Variants in CD2AP observed in about 807,000 individuals in gnomAD.
CD2AP encodes CD2 associated protein, also known as CD2-associated protein.
CD2AP carries 46 observed loss-of-function variants against 85.1 expected under a neutral mutation model. That is an observed-to-expected ratio of 0.54 (90% CI 0.43 to 0.69). CD2AP has a LOEUF of 0.69. Among genes scored for constraint, CD2AP ranks in the 30% least tolerant of loss-of-function variants. The pLI is 0.00. For synonymous variants in CD2AP, 255 were observed against 252.9 expected (o/e 1.01, Z -0.08); for missense variants, 769 against 729.5 (o/e 1.05, Z -0.62).
At chr6:47,551,387 T>G (rs144311101) in intron 4 of CD2AP, among the ~76,000 whole-genome samples, 165 of 152,294 alleles carry the variant, frequency 1.1e-3, no homozygotes, top group African/African-American at 3.5e-3. Context: ...TTATACAAAC[T>G]TAGATTGTGT....
At chr6:47,513,795 T>C (rs1479249629) in intron 2 of CD2AP, among the ~76,000 whole-genome samples, 1 of 151,838 alleles carries the variant, frequency 6.6e-6, no homozygotes, top group Non-Finnish European at 1.5e-5. Flanking sequence ...GGTGTGCACA[T>C]GTTCAACTAT....
At chr6:47,593,346 C>A (rs1768853342) in intron 11 of CD2AP, among the ~76,000 whole-genome samples, 1 of 152,056 alleles carries the variant, frequency 6.6e-6, no homozygotes, top group African/African-American at 2.4e-5. Flanking sequence ...TTGCAAGTAT[C>A]TGGAATATGT....
intron 1 of CD2AP, among the ~76,000 whole-genome samples, chr6:47,487,832 T>A (rs942937630): frequency 6.6e-6 from 1 of 152,314 alleles, no homozygotes; most frequent in East Asian, 1.9e-4. Flanking sequence ...AACACTTGTA[T>A]TGACTAGCAG....
chr6:47,606,503 A>G (rs1254986540), intron 14 of CD2AP, among the ~76,000 whole-genome samples: 2 of 152,058 alleles, frequency 1.3e-5, no homozygotes, highest in Non-Finnish European at 2.9e-5. Context: ...TCATGAGGCT[A>G]TAGCCACAGA....
At position 47,533,804 on chromosome 6, in the gene CD2AP, A is replaced by AT. The variant is rs781544021; in HGVS notation, c.319+53dup. On this transcript the variant is annotated intron_variant, in intron 3 of 17. Transcript: ENST00000359314. ...CATAATTACATCAAAATAGAAGGAT[A>AT]TTTTATAACTGTGTCTAAATTAAGA... 154 of 1,582,300 alleles carry AT rather than the reference A, an allele frequency of 9.7e-5. No homozygotes were observed. In the African/African-American group the frequency reaches 1.8e-3, roughly 19 times the overall value.
Position 47,539,757 on chromosome 6 carries a change from C to T in CD2AP, c.320-4849C>T, listed in dbSNP as rs1335724754. ...ATGAAAGAAATGCAGTATGTCCCCG[C>T]CTTTGCTGTACCTCCTTTATTCTCT... On this transcript the variant is annotated intron_variant, in intron 3 of 17. Transcript: ENST00000359314. Among the ~76,000 whole-genome samples, 4 of 152,198 alleles carry T rather than the reference C, an allele frequency of 2.6e-5. No homozygotes were observed. In the East Asian group the frequency reaches 5.8e-4, roughly 22 times the overall value.
chr6:47,547,201 A>G (rs530197129), intron 4 of CD2AP, among the ~76,000 whole-genome samples: 2 of 152,204 alleles, frequency 1.3e-5, no homozygotes, highest in African/African-American at 4.8e-5. Flanking sequence ...TCACATGTCA[A>G]TACTAATGTT....
chr6:47,530,482 C>G (rs1766844258), intron 2 of CD2AP, among the ~76,000 whole-genome samples: 1 of 152,162 alleles, frequency 6.6e-6, no homozygotes. Flanking sequence ...TGGCTTCTTT[C>G]AATCAGAATT....
chr6:47,618,373 T>C (rs1361663996), intron 17 of CD2AP, among the ~76,000 whole-genome samples: 1 of 152,166 alleles, frequency 6.6e-6, no homozygotes, highest in East Asian at 1.9e-4. Context: ...ATAAGAGATG[T>C]ATATATAATA....
chr6:47,533,703 A>G lies in CD2AP; in HGVS notation c.267A>G (p.Gly89=), dbSNP rs745407826. Residue 89 remains glycine (G), a synonymous_variant, in exon 3 of 18, where the codon GGA becomes GGG. Coordinates refer to ENST00000359314, the MANE Select transcript of CD2AP (RefSeq NM_012120.3). ...TTGTACAACGAATAAGCACCTATGG[A>G]CTTCCAGCTGGAGGAATTCAGCCAC... ...ASLVQRISTY[G]LPAGGIQPHP... is the part of the protein sequence containing the mutation. The G allele has an allele frequency of 6.2e-7, 1 of 1,614,140 alleles. No individual in the cohort carries two copies. The highest frequency in any genetic ancestry group is 8.5e-7 in the Non-Finnish European group (1 of 1,180,000).
At chr6:47,513,014 AATG>A in intron 2 of CD2AP, among the ~76,000 whole-genome samples, 1 of 152,342 alleles carries the variant, frequency 6.6e-6, no homozygotes, top group South Asian at 2.1e-4. Context: ...AGTAGAGAGA[AATG>A]ATGTCAGGAC....
chr6:47,576,455 G>A (rs191382971), intron 6 of CD2AP, 69 bp from the exon 7 acceptor site: 1 of 1,060,846 alleles, frequency 9.4e-7, no homozygotes, highest in Admixed American at 1.7e-5. Context: ...ACTGTAAATG[G>A]AAACTTTGTT....
At chr6:47,554,837 T>G (rs534348943) in intron 5 of CD2AP, 71 bp downstream of exon 5, 1 of 1,427,576 alleles carries the variant, frequency 7.0e-7, no homozygotes, top group African/African-American at 1.4e-5. Context: ...TTATTTTGTA[T>G]TTTTTGAAAC....
At chr6:47,548,554 G>A (rs993519267) in intron 4 of CD2AP, among the ~76,000 whole-genome samples, 4 of 152,080 alleles carry the variant, frequency 2.6e-5, no homozygotes, top group Non-Finnish European at 5.9e-5. Context: ...GGTTGAAGTG[G>A]TAATTAAAAA....
intron 11 of CD2AP, among the ~76,000 whole-genome samples, chr6:47,593,163 G>T (rs1768848461): frequency 6.6e-6 from 1 of 152,118 alleles, no homozygotes. Context: ...TGGTGTCTCA[G>T]AGTGTTATGA....
At chr6:47,565,168 A>C (rs961859722) in intron 5 of CD2AP, among the ~76,000 whole-genome samples, 1 of 152,106 alleles carries the variant, frequency 6.6e-6, no homozygotes, top group African/African-American at 2.4e-5. Flanking sequence ...TAAGAATGCC[A>C]CCATTATGTT....
At chr6:47,541,827 A>G (rs1344958561) in intron 3 of CD2AP, among the ~76,000 whole-genome samples, 1 of 152,228 alleles carries the variant, frequency 6.6e-6, no homozygotes, top group African/African-American at 2.4e-5. Context: ...GACTTCCAGT[A>G]CAGCTGATAT....
intron 5 of CD2AP, among the ~76,000 whole-genome samples, chr6:47,571,766 C>G (rs1440976537): frequency 2.0e-5 from 3 of 152,090 alleles, no homozygotes; most frequent in African/African-American, 7.2e-5. Flanking sequence ...AGTTCTTTCT[C>G]TCTAGATTTC....
intron 2 of CD2AP, among the ~76,000 whole-genome samples, chr6:47,533,321 C>A (rs1232983664): frequency 6.6e-6 from 1 of 151,928 alleles, no homozygotes; most frequent in Admixed American, 6.6e-5. Context: ...GTCTTTGTAT[C>A]TCAGTGTTTC....
Sources: allele counts gnomAD v4.1 joint callset (sites outside exome capture counted in the v4.1 genomes callset), GRCh38; gene constraint gnomAD v4.1.1; transcripts MANE v1.5; gene names NCBI Gene and HGNC (gene_info 2026-07-23, HGNC 2026-07-21).